MLLT1: variants seen among roughly 807,000 people sequenced by gnomAD.
MLLT1 encodes the protein MLLT1 super elongation complex subunit.
In MLLT1, 11 loss-of-function variants were observed where a neutral mutation model predicts 55.1. That is an observed-to-expected ratio of 0.20 (90% confidence interval 0.13 to 0.33). The LOEUF is 0.33. Ranked by LOEUF, MLLT1 falls within the 10% of genes least tolerant of loss-of-function variation. The pLI is 1.00. For synonymous variants in MLLT1, 323 were observed against 320.1 expected (o/e 1.01, Z -0.10); for missense variants, 536 against 760.6 (o/e 0.70, Z 3.47).
At chr19:6,224,385 G>T (rs2144864403) in intron 5 of MLLT1, among the ~76,000 whole-genome samples, 1 of 152,368 alleles carries the variant, frequency 6.6e-6, no homozygotes, top group East Asian at 1.9e-4. Context: ...GAGCTGGGGT[G>T]TGGAATGGGG....
At position 6,262,791 on chromosome 19, in the gene MLLT1, C is replaced by T. The variant is rs1244099052; in HGVS notation, c.194-481G>A. Reference sequence around the variant, plus strand: ...CATGCACTGGGAGACAGGGGAGCCCCAGGTGGCTGGGACCCTCCTCCTGGG... The same window carrying T: ...CATGCACTGGGAGACAGGGGAGCCCTAGGTGGCTGGGACCCTCCTCCTGGG... On this transcript the variant is annotated intron_variant, in intron 2 of 11. Transcript: ENST00000252674. This position sits in a 1 kb window ranked among gnomAD's most constrained non-coding sequence, Gnocchi z 4.4. Among the ~76,000 whole-genome samples the T allele has an allele frequency of 6.6e-6, 1 of 152,114 alleles. No individual in the cohort carries two copies. The highest frequency in any genetic ancestry group is 1.5e-5 in the Non-Finnish European group (1 of 68,014).
In MLLT1 at chr19:6,217,519, G is replaced by C. The variant is rs550834664; in HGVS notation, c.1198+435C>G. On this transcript the variant is annotated intron_variant, in intron 7 of 11. Coordinates refer to ENST00000252674, the MANE Select transcript of MLLT1 (RefSeq NM_005934.4). ...ACTCAGGGTGGCCTGCCTGGAGAGG[G>C]AGAGGGCACTCCAAACACTCCGGCA... 6.6e-5 allele frequency among the ~76,000 whole-genome samples: 10 copies of C among 152,352 alleles called. No homozygotes were observed. The East Asian group carries it at 1.5e-3, about 24-fold the overall frequency.
chr19:6,258,027 C>T (rs1406103264), intron 3 of MLLT1, among the ~76,000 whole-genome samples: 2 of 152,182 alleles, frequency 1.3e-5, no homozygotes, highest in African/African-American at 4.8e-5. Context: ...AACCCTCACA[C>T]ATTGCTGGTG....
At chr19:6,250,085 A>G (rs1393505786) in intron 3 of MLLT1, among the ~76,000 whole-genome samples, 1 of 152,214 alleles carries the variant, frequency 6.6e-6, no homozygotes, top group Non-Finnish European at 1.5e-5. Context: ...CCCAAATCAA[A>G]TACGGGCAAA....
rs1203576639 is a variant in MLLT1, at chr19:6,262,183, GT to G, written c.276+44del. 1 of 1,511,838 alleles carries G rather than the reference GT, an allele frequency of 6.6e-7. No individual in the cohort carries two copies. Among genetic ancestry groups the G allele is most frequent in the African/African-American group, 1.4e-5 (1 of 72,798 alleles). 93.7% of individuals were successfully genotyped at this position (1,511,838 alleles called of 1,614,324 possible). ...AACTGCCGTGGCACCCGGAGCAGGG[GT>G]CCCCACAGAGAGGCATCCTGCTTGC... On this transcript the variant is annotated intron_variant, in intron 3 of 11. Transcript: ENST00000252674. This position sits in a 1 kb window ranked among gnomAD's most constrained non-coding sequence, Gnocchi z 4.4.
chr19:6,218,719 T>A (rs991279824), intron 6 of MLLT1, among the ~76,000 whole-genome samples: 2 of 151,978 alleles, frequency 1.3e-5, no homozygotes, highest in African/African-American at 4.8e-5. Context: ...GGACAGAGGG[T>A]GACAGTGCAG....
At chr19:6,248,542 T>C (rs970725266) in intron 3 of MLLT1, among the ~76,000 whole-genome samples, 4 of 152,220 alleles carry the variant, frequency 2.6e-5, no homozygotes, top group Non-Finnish European at 4.4e-5. Flanking sequence ...CATTTACCTC[T>C]GTGGTCTTCT....
chr19:6,260,465 C>A (rs2091294785), intron 3 of MLLT1, among the ~76,000 whole-genome samples: 1 of 152,236 alleles, frequency 6.6e-6, no homozygotes, highest in Non-Finnish European at 1.5e-5. Flanking sequence ...GGCTGGCCTG[C>A]ATCTCGCCTG....
chr19:6,244,496 A>C (rs983258661), intron 3 of MLLT1, among the ~76,000 whole-genome samples: 1 of 152,194 alleles, frequency 6.6e-6, no homozygotes, highest in Non-Finnish European at 1.5e-5. Flanking sequence ...CGGACAGCGA[A>C]AACAGAGGCA....
In MLLT1 at chr19:6,212,686, G is replaced by A. The variant is rs1455483831; in HGVS notation, c.*356C>T. On this transcript the variant is annotated 3_prime_UTR_variant, in exon 12 of 12. Transcript: ENST00000252674. ...GTCGATCCGCTGCTCAGAAAGGCTG[G>A]GGCAGCGACGCCGCACAGCCCGCCG... 6 of 1,119,826 alleles carry A rather than the reference G, an allele frequency of 5.4e-6. No homozygotes were observed. Among genetic ancestry groups the A allele is most frequent in the Non-Finnish European group, 4.4e-6 (4 of 915,510 alleles). 69.4% of individuals were successfully genotyped at this position (1,119,826 alleles called of 1,614,324 possible).
chr19:6,257,100 A>C (rs1297262139), intron 3 of MLLT1, among the ~76,000 whole-genome samples: 1 of 152,282 alleles, frequency 6.6e-6, no homozygotes, highest in Non-Finnish European at 1.5e-5. Flanking sequence ...CATGGGGCAA[A>C]TCTTCATGAC....
chr19:6,237,397 G>A (rs907876734), intron 3 of MLLT1, among the ~76,000 whole-genome samples: 2 of 152,128 alleles, frequency 1.3e-5, no homozygotes, highest in African/African-American at 4.8e-5. Flanking sequence ...GCCCCGCCAA[G>A]CTTGTCCAGC....
chr19:6,252,244 C>T (rs117127643), intron 3 of MLLT1, among the ~76,000 whole-genome samples: 70 of 152,320 alleles, frequency 4.6e-4, no homozygotes, highest in Non-Finnish European at 9.1e-4. Context: ...ACCAGGCTTT[C>T]GACCTCAGAC....
chr19:6,261,109 G>A lies in MLLT1; in HGVS notation c.276+1119C>T, dbSNP rs531022532. 2.8e-4 allele frequency among the ~76,000 whole-genome samples: 42 copies of A among 152,280 alleles called. No individual in the cohort carries two copies. The East Asian group carries it at 5.4e-3, about 20-fold the overall frequency. ...ATACAGCTGGGGAGACTGGGAGCCCGGGCACACACCTGGCAGAGGGGTGGC... is the reference window on the plus strand; with the variant it reads ...ATACAGCTGGGGAGACTGGGAGCCCAGGCACACACCTGGCAGAGGGGTGGC... On this transcript the variant is annotated intron_variant, in intron 3 of 11. Transcript: ENST00000252674.
In MLLT1 at chr19:6,230,478, C is replaced by T; in HGVS notation, c.420+92G>A. 1 of 1,503,818 alleles carries T rather than the reference C, an allele frequency of 6.6e-7. No individual in the cohort carries two copies. The highest frequency in any genetic ancestry group is 1.2e-5 in the South Asian group (1 of 84,584). 93.2% of individuals were successfully genotyped at this position (1,503,818 alleles called of 1,614,324 possible). On this transcript the variant is annotated intron_variant, in intron 4 of 11. Coordinates refer to ENST00000252674, the MANE Select transcript of MLLT1 (RefSeq NM_005934.4). This position sits in a 1 kb window ranked among gnomAD's most constrained non-coding sequence, Gnocchi z 9.0. Reference sequence around the variant, plus strand: ...GACCTGCGCCTTGGGTCTCGGCCCCCAGCACCGACACCTCTGGCTGGGCAC... The same window carrying T: ...GACCTGCGCCTTGGGTCTCGGCCCCTAGCACCGACACCTCTGGCTGGGCAC...
At chr19:6,221,555 C>CAGCTGTGTGCGATGGGTGTGG (rs1240653684) in intron 6 of MLLT1, among the ~76,000 whole-genome samples, 4 of 152,226 alleles carry the variant, frequency 2.6e-5, no homozygotes, top group Non-Finnish European at 4.4e-5. Flanking sequence ...CCCCAAGTCA[C>CAGCTGTGTGCGATGGGTGTGG]AGCTGTGTGC....
chr19:6,277,663 G>A (rs1328720635), intron 1 of MLLT1, among the ~76,000 whole-genome samples: 1 of 152,082 alleles, frequency 6.6e-6, no homozygotes, highest in Non-Finnish European at 1.5e-5. Context: ...CAGCCACCCA[G>A]ACCTCCAGGG....
Position 6,235,700 on chromosome 19 carries a change from C to T in MLLT1, c.277-4987G>A, listed in dbSNP as rs1386439343. ...TCTCCTGGACCACCTGCCTCCTAAC[C>T]GTCACCCGCTTCCACCACAGCCCCC... On this transcript the variant is annotated intron_variant, in intron 3 of 11. Transcript: ENST00000252674. The surrounding 1 kb of genome is among the most constrained non-coding windows in gnomAD (Gnocchi z 5.5). Among the ~76,000 whole-genome samples, 3 of 152,188 alleles carry T rather than the reference C, an allele frequency of 2.0e-5. No homozygotes were observed. The highest frequency in any genetic ancestry group is 4.4e-5 in the Non-Finnish European group (3 of 68,024).
intron 1 of MLLT1, among the ~76,000 whole-genome samples, chr19:6,272,838 G>C (rs114426250): frequency 2.0e-5 from 3 of 152,242 alleles, no homozygotes; most frequent in Non-Finnish European, 4.4e-5. Context: ...GAGAGGCTGA[G>C]GGTCTGTGCG....
Sources: gnomAD v4.1 joint callset for allele counts (sites outside exome capture counted in the v4.1 genomes callset) on GRCh38, gnomAD v4.1.1 for gene constraint, Gnocchi (gnomAD v3.1) non-coding constraint, MANE v1.5 for transcripts, NCBI Gene and HGNC (gene_info 2026-07-23, HGNC 2026-07-21) for gene names.